The following STIL variants were observed in gnomAD, a reference collection of about 807,000 sequenced individuals.
STIL encodes STIL centriolar assembly protein, also known as SCL-interrupting locus protein.
A neutral mutation model predicts 110.1 loss-of-function variants in STIL; 55 were observed. The observed-to-expected ratio is 0.50, with a 90% confidence interval of 0.40 to 0.63. The LOEUF (loss-of-function observed/expected upper bound fraction) is 0.63. Among genes scored for constraint, STIL ranks in the 20% least tolerant of loss-of-function variants. STIL has a pLI of 0.00. For synonymous variants in STIL, 481 were observed against 530.0 expected, an observed-to-expected ratio of 0.91 and a Z score of 1.27; for missense variants, 1,358 against 1,530.0, an observed-to-expected ratio of 0.89 and a Z score of 1.87.
chr1:47,280,216 A>G, intron 12 of STIL, 25 bp downstream of exon 12: 2 of 1,614,004 alleles, frequency 1.2e-6, no homozygotes, highest in Non-Finnish European at 1.7e-6. Flanking sequence ...AGAAATTAAT[A>G]GAACTAGGAA....
intron 12 of STIL, among the ~76,000 whole-genome samples, chr1:47,275,166 C>T (rs956588107): frequency 2.7e-5 from 4 of 150,050 alleles, no homozygotes; most frequent in African/African-American, 9.8e-5. Context: ...ACAACAACAA[C>T]AAAAAGCATC....
rs576201305 is a variant in STIL at position 47,279,816 on chromosome 1, A to G, written c.2217+425T>C. Among the ~76,000 whole-genome samples the G allele has an allele frequency of 5.9e-5, 9 of 152,262 alleles. No individual in the cohort carries two copies. In the South Asian group the frequency reaches 1.5e-3, roughly 25 times the overall value. On this transcript the variant is annotated intron_variant, in intron 12 of 16. Coordinates refer to ENST00000371877, the MANE Select transcript of STIL (RefSeq NM_001048166.1). ...AACATTTCAGAAAACAAGAAGTAGA[A>G]TAAGTCCAGTATAGATATGCAGAAA...
At chr1:47,276,340 C>A (rs1052921461) in intron 12 of STIL, among the ~76,000 whole-genome samples, 1 of 151,552 alleles carries the variant, frequency 6.6e-6, no homozygotes, top group Non-Finnish European at 1.5e-5. Flanking sequence ...ATATTCTGTA[C>A]AAAACAAATG....
chr1:47,307,876 T>C lies in STIL; in HGVS notation c.44+2400A>G, dbSNP rs555222276. On this transcript the variant is annotated intron_variant, in intron 2 of 16. Transcript: ENST00000371877. ...TCTCTGAACTGGCCCCCCCGGGGCG[T>C]ACCTGTCTCTTATGGTCGAGATTGC... Among the ~76,000 whole-genome samples the C allele has an allele frequency of 8.2e-4, 125 of 152,282 alleles. 2 individuals are homozygous for C. The highest frequency in any genetic ancestry group is 7.8e-4 in the Non-Finnish European group (53 of 68,010).
intron 16 of STIL, among the ~76,000 whole-genome samples, chr1:47,259,332 CTAGA>C (rs1446126649): frequency 1.2e-4 from 13 of 108,496 alleles, no homozygotes; most frequent in African/African-American, 4.3e-4. Flanking sequence ...GTCGTCCAGG[CTAGA>C]TAGAGTGCAG....
rs148783889 is a variant in STIL at position 47,310,279 on chromosome 1, G to C, written c.41C>G (p.Thr14Ser). 8.1e-6 allele frequency: 13 copies of C among 1,612,412 alleles called. No individual in the cohort carries two copies. Among genetic ancestry groups the C allele is most frequent in the Admixed American group, 1.7e-5 (1 of 59,962 alleles). ...ATTTGTAAATATACTTCTATACCTG[G>C]TATTCATCTGGGGCCGTGCAAAAGG... ...IYPFARPQMN[T>S]RFPSSRMVPF... is the part of the protein sequence containing the mutation. Residue 14 changes from threonine (T) to serine (S), a missense_variant, in exon 2 of 17, where the codon ACC becomes AGC. Transcript: ENST00000371877.
At chr1:47,294,262 C>T (rs756939071) in intron 7 of STIL, among the ~76,000 whole-genome samples, 21 of 152,178 alleles carry the variant, frequency 1.4e-4, no homozygotes, top group Non-Finnish European at 2.9e-4. Flanking sequence ...ACTTTCCATA[C>T]TGGTCACTTT....
intron 14 of STIL, among the ~76,000 whole-genome samples, chr1:47,265,973 A>G (rs568416592): frequency 5.3e-5 from 8 of 151,826 alleles, no homozygotes; most frequent in Non-Finnish European, 8.8e-5. Context: ...TCGCCATGTT[A>G]CCCAGGCTGG....
chr1:47,253,268 T>C (rs1644238402), intron 16 of STIL, among the ~76,000 whole-genome samples: 1 of 152,246 alleles, frequency 6.6e-6, no homozygotes, highest in Admixed American at 6.5e-5. Context: ...TACATTCCCT[T>C]TCCCCTACTT....
intron 7 of STIL, 127 bp from the exon 8 acceptor site, chr1:47,293,671 A>G (rs890598298): frequency 4.1e-5 from 29 of 707,428 alleles, no homozygotes; most frequent in Non-Finnish European, 6.6e-5. Flanking sequence ...CCTTAGTAAT[A>G]AGAAATCTAA....
chr1:47,287,513 TAAAA>T (rs774116338), intron 10 of STIL, 34 bp downstream of exon 10: 2 of 1,351,406 alleles, frequency 1.5e-6, no homozygotes, highest in Non-Finnish European at 2.1e-6. Flanking sequence ...ATATAATTTT[TAAAA>T]AAACACACAC....
At chr1:47,288,892 C>CAAAAA (rs138649605) in intron 9 of STIL, among the ~76,000 whole-genome samples, 2 of 94,786 alleles carry the variant, frequency 2.1e-5, no homozygotes, top group Non-Finnish European at 4.3e-5. Context: ...AATGAAAATA[C>CAAAAA]AAAAAAAAAA....
chr1:47,259,337 T>G (rs1570024426), intron 16 of STIL, among the ~76,000 whole-genome samples: 1 of 124,928 alleles, frequency 8.0e-6, no homozygotes, highest in African/African-American at 3.1e-5. Context: ...CCAGGCTAGA[T>G]AGAGTGCAGT....
rs375723619 is a variant in STIL at position 47,280,430 on chromosome 1, G to C, written c.2028C>G (p.Pro676=). ...CAGGCGATGGTTCAATATTGCTGTG[G>C]GGAGAACAACTGCCCATATCTCCCT... ...RPQGDMGSCS[P]HSNIEPSPVA... The change falls in exon 12 of 17, where the codon CCC becomes CCG. Residue 676 remains proline, a synonymous_variant. Coordinates refer to ENST00000371877, the MANE Select transcript of STIL (RefSeq NM_001048166.1). The C allele has an allele frequency of 3.1e-6, 5 of 1,614,092 alleles. No homozygotes were observed. In the African/African-American group the frequency reaches 6.7e-5, roughly 22 times the overall value.
chr1:47,289,071 A>C (rs1198766537), intron 9 of STIL, among the ~76,000 whole-genome samples: 2 of 149,730 alleles, frequency 1.3e-5, no homozygotes, highest in East Asian at 1.9e-4. Flanking sequence ...CAAAAAAAAA[A>C]AAAAAAAAAA....
At chr1:47,260,963 A>G (rs144282579) in intron 15 of STIL, among the ~76,000 whole-genome samples, 3 of 152,370 alleles carry the variant, frequency 2.0e-5, no homozygotes, top group East Asian at 1.9e-4. Context: ...CAAATTCCAC[A>G]AAGTATCAAG....
chr1:47,282,585 A>G (rs1292402460), intron 10 of STIL, 126 bp from the exon 11 acceptor site: 4 of 662,478 alleles, frequency 6.0e-6, no homozygotes, highest in African/African-American at 5.4e-5. Flanking sequence ...GTATCTGACA[A>G]CCACAAATTA....
intron 14 of STIL, among the ~76,000 whole-genome samples, chr1:47,266,725 C>T (rs1185189016): frequency 6.6e-6 from 1 of 152,202 alleles, no homozygotes; most frequent in Non-Finnish European, 1.5e-5. Flanking sequence ...ATCTTCATCT[C>T]ACTTGGTCTT....
At chr1:47,291,471 A>G (rs1279562114) in intron 8 of STIL, among the ~76,000 whole-genome samples, 1 of 151,988 alleles carries the variant, frequency 6.6e-6, no homozygotes, top group African/African-American at 2.4e-5. Flanking sequence ...CAGACACACA[A>G]CATCCTCCTC....
Sources: allele counts gnomAD v4.1 joint callset (sites outside exome capture counted in the v4.1 genomes callset), GRCh38; gene constraint gnomAD v4.1.1; transcripts MANE v1.5; gene names NCBI Gene and HGNC (gene_info 2026-07-23, HGNC 2026-07-21).